Variants in MYO5A observed in about 807,000 individuals in gnomAD.
The protein encoded by MYO5A is myosin VA.
Under a neutral mutation model 249.7 loss-of-function variants are expected in MYO5A, and 98 were observed. The observed-to-expected ratio is 0.39, with a 90% confidence interval of 0.33 to 0.46. The LOEUF (loss-of-function observed/expected upper bound fraction) is 0.46. Among genes scored for constraint, MYO5A ranks in the 20% least tolerant of loss-of-function variants. The pLI is 0.98. For synonymous variants in MYO5A, 778 were observed against 810.6 expected, an observed-to-expected ratio of 0.96 and a Z score of 0.68; for missense variants, 1,696 against 2,308.8, an observed-to-expected ratio of 0.73 and a Z score of 5.44.
chr15:52,457,969 G>T (rs1567144348), intron 1 of MYO5A, among the ~76,000 whole-genome samples: 1 of 152,166 alleles, frequency 6.6e-6, no homozygotes, highest in Non-Finnish European at 1.5e-5. Context: ...GGATGAAACT[G>T]GAGGTCATTA....
intron 9 of MYO5A, among the ~76,000 whole-genome samples, chr15:52,399,655 T>C (rs1158512196): frequency 6.6e-6 from 1 of 152,196 alleles, no homozygotes; most frequent in Non-Finnish European, 1.5e-5. Flanking sequence ...AACTTTTTTT[T>C]CTTTTTTTGA....
rs2141375142 is a variant in MYO5A at position 52,451,874 on chromosome 15, T to G, written c.28-18589A>C. Among the ~76,000 whole-genome samples the G allele has an allele frequency of 1.3e-5, 2 of 152,322 alleles. 1 individual carries two copies. Among genetic ancestry groups the G allele is most frequent in the South Asian group, 4.1e-4 (2 of 4,824 alleles). ...TCTCAGATAACCCTGTACTTTTTCT[T>G]CACTATGAAAACCATGAAGATAGGA... On this transcript the variant is annotated intron_variant, in intron 1 of 41. Coordinates refer to ENST00000399233, the MANE Select transcript of MYO5A (RefSeq NM_001382347.1).
intron 34 of MYO5A, among the ~76,000 whole-genome samples, chr15:52,336,142 AC>A (rs1488406058): frequency 2.6e-5 from 4 of 152,176 alleles, no homozygotes; most frequent in Admixed American, 6.5e-5. Context: ...TAAGATTTGA[AC>A]CCAAGAAGCT....
At chr15:52,436,076 C>T (rs562893465) in intron 1 of MYO5A, among the ~76,000 whole-genome samples, 2 of 152,312 alleles carry the variant, frequency 1.3e-5, no homozygotes, top group African/African-American at 4.8e-5. Context: ...TGCCACCACA[C>T]CTGGCTACTT....
intron 21 of MYO5A, 121 bp downstream of exon 21, chr15:52,372,003 G>T: frequency 7.1e-7 from 1 of 1,412,380 alleles, no homozygotes; most frequent in East Asian, 2.3e-5. Flanking sequence ...AAATAAATAC[G>T]GTCATAATTT....
chr15:52,348,614 A>G (rs1022880833), intron 29 of MYO5A, among the ~76,000 whole-genome samples: 4 of 152,200 alleles, frequency 2.6e-5, no homozygotes, highest in Non-Finnish European at 5.9e-5. Context: ...CCCCTCTATA[A>G]TCTAGACTGG....
intron 26 of MYO5A, 76 bp from the exon 27 acceptor site, chr15:52,353,734 C>G (rs2040065220): frequency 1.9e-6 from 3 of 1,585,888 alleles, no homozygotes; most frequent in Non-Finnish European, 1.7e-6. Flanking sequence ...CTACCGAAAA[C>G]AGTGAAGAGA....
intron 4 of MYO5A, among the ~76,000 whole-genome samples, chr15:52,424,316 T>C (rs2075349854): frequency 6.6e-6 from 1 of 152,254 alleles, no homozygotes; most frequent in Admixed American, 6.5e-5. Flanking sequence ...TATTTCATAA[T>C]GTCAGACTAA....
intron 19 of MYO5A, 61 bp from the exon 20 acceptor site, chr15:52,375,521 T>C (rs1403775938): frequency 3.2e-6 from 5 of 1,562,090 alleles, no homozygotes; most frequent in Non-Finnish European, 2.6e-6. Flanking sequence ...GAATACATAT[T>C]AGAGAAACTT....
intron 35 of MYO5A, among the ~76,000 whole-genome samples, chr15:52,328,475 C>T (rs1199365281): frequency 1.3e-5 from 2 of 152,172 alleles, no homozygotes; most frequent in African/African-American, 4.8e-5. Context: ...ACCCTGTTGG[C>T]TCTATCTACA....
At chr15:52,486,336 G>A (rs1370450745) in intron 1 of MYO5A, among the ~76,000 whole-genome samples, 1 of 152,216 alleles carries the variant, frequency 6.6e-6, no homozygotes, top group African/African-American at 2.4e-5. Context: ...AACTCAGGTT[G>A]AGTGAGTCAA....
intron 1 of MYO5A, among the ~76,000 whole-genome samples, chr15:52,436,264 T>C (rs1336027570): frequency 6.6e-6 from 1 of 152,208 alleles, no homozygotes; most frequent in African/African-American, 2.4e-5. Context: ...TCCCTTACCA[T>C]GTTCTACAAG....
intron 1 of MYO5A, among the ~76,000 whole-genome samples, chr15:52,438,383 T>C (rs906391820): frequency 7.9e-5 from 12 of 152,104 alleles, no homozygotes; most frequent in African/African-American, 2.9e-4. Context: ...ACTGCCTACT[T>C]AGTCTGCAGA....
chr15:52,502,019 A>G (rs1032581237), intron 1 of MYO5A, among the ~76,000 whole-genome samples: 5 of 152,120 alleles, frequency 3.3e-5, no homozygotes, highest in African/African-American at 1.2e-4. Flanking sequence ...GTATTTATAT[A>G]TATAAACTAA....
chr15:52,382,950 G>C, intron 16 of MYO5A, 141 bp downstream of exon 16: 2 of 730,520 alleles, frequency 2.7e-6, no homozygotes, highest in South Asian at 2.9e-5. Flanking sequence ...ACTGACTAGT[G>C]GTTTCCCTCT....
At chr15:52,489,221 C>T (rs561303639) in intron 1 of MYO5A, among the ~76,000 whole-genome samples, 1 of 152,298 alleles carries the variant, frequency 6.6e-6, no homozygotes, top group African/African-American at 2.4e-5. Flanking sequence ...TTTCTTGGAG[C>T]TGACACCAGG....
chr15:52,369,527 T>TG, intron 22 of MYO5A, among the ~76,000 whole-genome samples: 1 of 152,208 alleles, frequency 6.6e-6, no homozygotes, highest in East Asian at 1.9e-4. Context: ...AAGCATTTTG[T>TG]GGGGAGGGTT....
Position 52,333,299 on chromosome 15 carries a change from C to T in MYO5A, c.4409-2800G>A, listed in dbSNP as rs147941638. 8.2e-3 allele frequency among the ~76,000 whole-genome samples: 1,256 copies of T among 152,282 alleles called. 16 individuals are homozygous for T. The highest frequency in any genetic ancestry group is 0.027 in the African/African-American group (1,141 of 41,540). ...TCTTTATAAACTTGAGGGAACCTTT[C>T]TGTCTTCAAAAAGGAAAGAAAATTG... On this transcript the variant is annotated intron_variant, in intron 34 of 41. Coordinates refer to ENST00000399233, the MANE Select transcript of MYO5A (RefSeq NM_001382347.1).
chr15:52,426,317 GTTTT>G (rs33984064), intron 3 of MYO5A, among the ~76,000 whole-genome samples: 2 of 141,748 alleles, frequency 1.4e-5, no homozygotes, highest in South Asian at 2.2e-4. Context: ...CATGCAAAGA[GTTTT>G]TTTTTTTTTT....
Sources: allele counts gnomAD v4.1 joint callset (sites outside exome capture counted in the v4.1 genomes callset), GRCh38; gene constraint gnomAD v4.1.1; transcripts MANE v1.5; gene names NCBI Gene and HGNC (gene_info 2026-07-23, HGNC 2026-07-21).